Variants in ROBO1 observed in about 807,000 individuals in gnomAD.
The protein encoded by ROBO1 is roundabout homolog 1.
Under a neutral mutation model 195.9 loss-of-function variants are expected in ROBO1, and 149 were observed. The ratio of observed to expected loss-of-function variants is 0.76; its 90% confidence interval spans 0.67 to 0.87. ROBO1 has a LOEUF of 0.87. ROBO1 is among the 40% of genes least tolerant of loss of function. ROBO1 has a pLI of 0.00. For missense variants in ROBO1, 1,933 were observed against 2,068.3 expected (o/e 0.93, Z 1.27); for synonymous variants, 816 against 733.2 (o/e 1.11, Z -1.82).
At position 79,698,570 on chromosome 3, in the gene ROBO1, C is replaced by T. The variant is rs536857754; in HGVS notation, c.-51+69182G>A. On this transcript the variant is annotated intron_variant, in intron 1 of 30. Coordinates refer to ENST00000464233, the MANE Select transcript of ROBO1 (RefSeq NM_002941.4). ...AGAATATGCTTCTATTGAAGAAATC[C>T]TAAAGGTTCAATTGTGAAATTTGCC... Among the ~76,000 whole-genome samples, 28 of 151,456 alleles carry T rather than the reference C, an allele frequency of 1.8e-4. 1 individual carries two copies. The Middle Eastern group carries it at 0.014, about 75-fold the overall frequency.
chr3:79,452,723 C>A (rs141949172), intron 2 of ROBO1, among the ~76,000 whole-genome samples: 1 of 151,932 alleles, frequency 6.6e-6, no homozygotes, highest in Non-Finnish European at 1.5e-5. Flanking sequence ...ATTTAGAATG[C>A]AACTTAGATT....
chr3:78,902,495 T>G (rs1343267250), intron 4 of ROBO1, among the ~76,000 whole-genome samples: 1 of 152,122 alleles, frequency 6.6e-6, no homozygotes, highest in Non-Finnish European at 1.5e-5. Context: ...TTTACTTACA[T>G]GTGTCATAAA....
At chr3:78,929,529 G>A (rs1157533517) in intron 4 of ROBO1, among the ~76,000 whole-genome samples, 1 of 150,202 alleles carries the variant, frequency 6.7e-6, no homozygotes, top group Non-Finnish European at 1.5e-5. Context: ...TAGAGATGGA[G>A]TCTCGCTCTA....
chr3:78,734,612 G>A (rs6772057), intron 5 of ROBO1, among the ~76,000 whole-genome samples: 103,012 of 140,326 alleles, frequency 0.73, 36,410 homozygotes, highest in South Asian at 0.8. Context: ...CCATTTGGGG[G>A]AAAAAAAAAA....
At chr3:78,916,497 A>G (rs1275383627) in intron 4 of ROBO1, among the ~76,000 whole-genome samples, 2 of 150,368 alleles carry the variant, frequency 1.3e-5, no homozygotes, top group Non-Finnish European at 3.0e-5. Flanking sequence ...GGTTGCAGTG[A>G]GCCAAGATCA....
chr3:78,749,526 T>C (rs1250556462), intron 4 of ROBO1, among the ~76,000 whole-genome samples: 1 of 152,180 alleles, frequency 6.6e-6, no homozygotes, highest in Non-Finnish European at 1.5e-5. Context: ...CTATGGCAAT[T>C]CTGCATAAAG....
intron 2 of ROBO1, among the ~76,000 whole-genome samples, chr3:79,158,940 T>C (rs2080906378): frequency 6.6e-6 from 1 of 151,990 alleles, no homozygotes. Context: ...AAAATAGTTA[T>C]AAATATAGAT....
intron 1 of ROBO1, among the ~76,000 whole-genome samples, chr3:79,689,088 G>A (rs2107059717): frequency 6.6e-6 from 1 of 151,604 alleles, no homozygotes; most frequent in African/African-American, 2.4e-5. Context: ...TTTATATATA[G>A]TCATCGAAAA....
chr3:79,699,275 T>G (rs1235951027), intron 1 of ROBO1, among the ~76,000 whole-genome samples: 1 of 151,386 alleles, frequency 6.6e-6, no homozygotes, highest in South Asian at 2.1e-4. Context: ...GTATGGAATT[T>G]TTCTGAGATT....
At chr3:78,899,942 G>A (rs942642475) in intron 4 of ROBO1, among the ~76,000 whole-genome samples, 8 of 152,154 alleles carry the variant, frequency 5.3e-5, no homozygotes, top group Admixed American at 1.3e-4. Context: ...TTTCCACAGC[G>A]TCTGATGTTT....
intron 2 of ROBO1, among the ~76,000 whole-genome samples, chr3:79,466,031 T>TA (rs142572388): frequency 0.028 from 4,135 of 145,310 alleles, 187 homozygotes; most frequent in Admixed American, 0.11. Flanking sequence ...CAATCTCCTT[T>TA]AAAAAAAAAA....
At chr3:78,795,704 G>A (rs1184991048) in intron 4 of ROBO1, among the ~76,000 whole-genome samples, 1 of 152,050 alleles carries the variant, frequency 6.6e-6, no homozygotes, top group Admixed American at 6.6e-5. Context: ...ACGGAGGCAT[G>A]TTTAAAAGTG....
chr3:78,939,541 C>G (rs2040017135), intron 3 of ROBO1, among the ~76,000 whole-genome samples: 1 of 151,236 alleles, frequency 6.6e-6, no homozygotes, highest in Non-Finnish European at 1.5e-5. Flanking sequence ...TGGCGTGAAC[C>G]CGGGAGGCGG....
At chr3:79,035,048 T>C (rs2078359231) in intron 3 of ROBO1, among the ~76,000 whole-genome samples, 2 of 152,114 alleles carry the variant, frequency 1.3e-5, no homozygotes, top group Non-Finnish European at 2.9e-5. Flanking sequence ...ACAGAGTTAC[T>C]AGAGTTATGT....
chr3:79,691,232 T>C (rs1033847465), intron 1 of ROBO1, among the ~76,000 whole-genome samples: 1 of 151,766 alleles, frequency 6.6e-6, no homozygotes, highest in South Asian at 2.1e-4. Context: ...TTTACAGCTA[T>C]AGAACAGGAT....
intron 2 of ROBO1, among the ~76,000 whole-genome samples, chr3:79,391,836 G>T (rs1329354333): frequency 6.6e-6 from 1 of 151,820 alleles, no homozygotes; most frequent in Non-Finnish European, 1.5e-5. Flanking sequence ...CTTCAGCCTT[G>T]GTTCAAACAA....
chr3:78,989,376 G>A (rs1158663049), intron 3 of ROBO1, among the ~76,000 whole-genome samples: 1 of 152,200 alleles, frequency 6.6e-6, no homozygotes, highest in Non-Finnish European at 1.5e-5. Flanking sequence ...CACTTCGGGA[G>A]GCCAAAGCGG....
chr3:78,606,297 C>T (rs889779155), intron 29 of ROBO1, among the ~76,000 whole-genome samples: 2 of 152,246 alleles, frequency 1.3e-5, no homozygotes, highest in Admixed American at 1.3e-4. Flanking sequence ...CTCAGCCTCC[C>T]GAGTAACTAG....
intron 1 of ROBO1, among the ~76,000 whole-genome samples, chr3:79,620,312 G>A (rs1944965208): frequency 6.6e-6 from 1 of 152,244 alleles, no homozygotes. Context: ...GATCGCCTCG[G>A]AAGCCTCCTG....
Sources: allele counts gnomAD v4.1 joint callset (sites outside exome capture counted in the v4.1 genomes callset), GRCh38; gene constraint gnomAD v4.1.1; transcripts MANE v1.5; gene names NCBI Gene and HGNC (gene_info 2026-07-23, HGNC 2026-07-21).